The following RAMP1 variants were observed in gnomAD, a reference collection of about 807,000 sequenced individuals.
RAMP1 encodes the protein receptor activity modifying protein 1.
Under a neutral mutation model 8.2 loss-of-function variants are expected in RAMP1, and 7 were observed. The ratio of observed to expected loss-of-function variants is 0.85; its 90% CI spans 0.49 to 1.60. RAMP1 has a LOEUF of 1.60. Among genes scored for constraint, RAMP1 ranks in the 40% most tolerant of loss-of-function variants. The probability of loss-of-function intolerance (pLI) is 0.00; values close to 1 mark genes in which losing one functional copy is unlikely to be tolerated. For missense variants in RAMP1, 192 were observed against 202.4 expected (o/e 0.95, Z 0.31); for synonymous variants, 92 against 84.7 (o/e 1.09, Z -0.47).
intron 2 of RAMP1, among the ~76,000 whole-genome samples, chr2:237,898,112 C>A (rs1321051478): frequency 1.3e-5 from 2 of 152,114 alleles, no homozygotes; most frequent in Non-Finnish European, 1.5e-5. Context: ...TGCTGTAATT[C>A]TTTGGAAAGG....
chr2:237,893,970 C>CT (rs71039788), intron 2 of RAMP1, among the ~76,000 whole-genome samples: 3,789 of 104,106 alleles, frequency 0.036, 373 homozygotes, highest in African/African-American at 0.13. Flanking sequence ...AAAATACTTT[C>CT]TTTTTTTTTT....
chr2:237,893,970 C>CTTTTTTTTTTT (rs71039788), intron 2 of RAMP1, among the ~76,000 whole-genome samples: 1 of 104,160 alleles, frequency 9.6e-6, no homozygotes, highest in Non-Finnish European at 1.8e-5. Flanking sequence ...AAAATACTTT[C>CTTTTTTTTTTT]TTTTTTTTTT....
intron 2 of RAMP1, among the ~76,000 whole-genome samples, chr2:237,910,015 G>A (rs1370794175): frequency 6.6e-6 from 1 of 152,116 alleles, no homozygotes; most frequent in Non-Finnish European, 1.5e-5. Context: ...GCTCGGCACG[G>A]CCACCTCCAC....
chr2:237,894,368 A>T (rs960906157), intron 2 of RAMP1, among the ~76,000 whole-genome samples: 2 of 152,106 alleles, frequency 1.3e-5, no homozygotes, highest in African/African-American at 2.4e-5. Flanking sequence ...ACATTAACTC[A>T]CCTCTTTACA....
At chr2:237,860,697 C>T (rs1032932210) in intron 1 of RAMP1, among the ~76,000 whole-genome samples, 13 of 152,070 alleles carry the variant, frequency 8.5e-5, no homozygotes, top group Non-Finnish European at 1.9e-4. Flanking sequence ...GTGGCCTTTC[C>T]CCGGAAACAG....
intron 1 of RAMP1, among the ~76,000 whole-genome samples, chr2:237,869,694 C>T (rs1299973242): frequency 2.0e-5 from 3 of 152,230 alleles, no homozygotes; most frequent in African/African-American, 4.8e-5. Context: ...CCACTTCTGG[C>T]TGTTGTGAAT....
intron 2 of RAMP1, among the ~76,000 whole-genome samples, chr2:237,879,484 T>TC (rs1464398830): frequency 1.1e-3 from 146 of 138,040 alleles, no homozygotes; most frequent in African/African-American, 4.3e-3. Context: ...ATTTTCGTTT[T>TC]TTTATTATTA....
chr2:237,903,984 C>T (rs1406654694), intron 2 of RAMP1, among the ~76,000 whole-genome samples: 1 of 152,256 alleles, frequency 6.6e-6, no homozygotes. Context: ...AGCAATCCTC[C>T]GGCCTAGGCC....
intron 1 of RAMP1, chr2:237,874,770 C>T (rs903558067): frequency 2.7e-5 from 24 of 901,000 alleles, no homozygotes; most frequent in Non-Finnish European, 2.7e-5. Context: ...TGGGTGCCAG[C>T]GTGAGTCAGA....
At chr2:237,896,295 G>T (rs1439716490) in intron 2 of RAMP1, among the ~76,000 whole-genome samples, 3 of 152,220 alleles carry the variant, frequency 2.0e-5, no homozygotes, top group Non-Finnish European at 4.4e-5. Flanking sequence ...AGCCTGACTT[G>T]GCAGCTCCCA....
Position 237,877,475 on chromosome 2 carries a change from G to C in RAMP1, c.191+113G>C, listed in dbSNP as rs914336435. On this transcript the variant is annotated intron_variant, in intron 2 of 2. Transcript: ENST00000254661. The surrounding 1 kb of genome is among the most constrained non-coding windows in gnomAD (Gnocchi z 4.4). ...GAAGATCCTTTCTAGACCCCGGAAG[G>C]GTTCTTCCCCCAGTGGGGGGGGCCG... 4.7e-5 allele frequency: 66 copies of C among 1,417,802 alleles called. No individual in the cohort carries two copies. Among genetic ancestry groups the C allele is most frequent in the Non-Finnish European group, 5.5e-5 (59 of 1,065,252 alleles). The allele number at this position is 1,417,802 out of a possible 1,614,324, so 87.8% of individuals were successfully genotyped here.
chr2:237,874,329 C>T (rs191094238), intron 1 of RAMP1, among the ~76,000 whole-genome samples: 20 of 152,252 alleles, frequency 1.3e-4, no homozygotes, highest in Admixed American at 1.2e-3. Flanking sequence ...GGCCCCTGCA[C>T]CTGCATTCGC....
intron 2 of RAMP1, among the ~76,000 whole-genome samples, chr2:237,886,551 G>A (rs1046134980): frequency 2.6e-5 from 4 of 152,140 alleles, no homozygotes; most frequent in Admixed American, 1.3e-4. Flanking sequence ...TGTTGGGGGA[G>A]CTTGGAGGCT....
chr2:237,886,668 A>G (rs1357182541), intron 2 of RAMP1, among the ~76,000 whole-genome samples: 1 of 152,214 alleles, frequency 6.6e-6, no homozygotes, highest in Non-Finnish European at 1.5e-5. Flanking sequence ...GGGAAGGCAC[A>G]GATGGAGAGA....
chr2:237,882,368 C>T (rs73092519), intron 2 of RAMP1, among the ~76,000 whole-genome samples: 13,799 of 152,236 alleles, frequency 0.091, 671 homozygotes, highest in Middle Eastern at 0.17. Context: ...CTGTAGCTGG[C>T]GTTTATTACC....
intron 1 of RAMP1, among the ~76,000 whole-genome samples, chr2:237,860,620 G>C (rs1334300369): frequency 1.3e-5 from 2 of 152,228 alleles, no homozygotes; most frequent in African/African-American, 4.8e-5. Context: ...CGGAAACTGT[G>C]AATAGGTTAC....
At chr2:237,902,213 C>A (rs1366645545) in intron 2 of RAMP1, among the ~76,000 whole-genome samples, 1 of 151,694 alleles carries the variant, frequency 6.6e-6, no homozygotes, top group Non-Finnish European at 1.5e-5. Flanking sequence ...CCACTGCCAC[C>A]CGGAGCAAGG....
chr2:237,899,636 T>C (rs1280153435), intron 2 of RAMP1, among the ~76,000 whole-genome samples: 1 of 152,100 alleles, frequency 6.6e-6, no homozygotes, highest in African/African-American at 2.4e-5. Flanking sequence ...GGGACTTGAG[T>C]GTCTATTTAT....
Position 237,862,581 on chromosome 2 carries a change from A to G in RAMP1, c.52+2854A>G, listed in dbSNP as rs1336228094. Among the ~76,000 whole-genome samples, 2 of 152,218 alleles carry G rather than the reference A, an allele frequency of 1.3e-5. No individual in the cohort carries two copies. Among genetic ancestry groups the G allele is most frequent in the Admixed American group, 6.5e-5 (1 of 15,286 alleles). ...ATTTCATAGCTTCTAATCAGTTACAACTGGCGTCTGGCTGACTGTGTGATG... is the reference window on the plus strand; with the variant it reads ...ATTTCATAGCTTCTAATCAGTTACAGCTGGCGTCTGGCTGACTGTGTGATG... On this transcript the variant is annotated intron_variant, in intron 1 of 2. Transcript: ENST00000254661. This position sits in a 1 kb window ranked among gnomAD's most constrained non-coding sequence, Gnocchi z 4.0.
Sources: gnomAD v4.1 joint callset for allele counts (sites outside exome capture counted in the v4.1 genomes callset) on GRCh38, gnomAD v4.1.1 for gene constraint, Gnocchi (gnomAD v3.1) non-coding constraint, MANE v1.5 for transcripts, NCBI Gene and HGNC (gene_info 2026-07-23, HGNC 2026-07-21) for gene names.